The following SAMMSON variants were observed in gnomAD, a reference collection of about 807,000 sequenced individuals.
SAMMSON encodes long intergenic non-protein coding RNA 1212.
chr3:70,235,114 T>C (rs1311601496), intron 4 of SAMMSON, among the ~76,000 whole-genome samples: 1 of 152,148 alleles, frequency 6.6e-6, no homozygotes, highest in African/African-American at 2.4e-5. Flanking sequence ...TTCCAACCTC[T>C]ATTGGAGAAG....
intron 2 of SAMMSON, among the ~76,000 whole-genome samples, chr3:70,399,368 T>A (rs774755314): frequency 8.5e-5 from 13 of 152,188 alleles, no homozygotes; most frequent in African/African-American, 2.9e-4. Context: ...ATGAAATTCA[T>A]TGGGTTATCA....
At chr3:70,382,297 A>G (rs988628359) in intron 9 of SAMMSON, among the ~76,000 whole-genome samples, 4 of 152,112 alleles carry the variant, frequency 2.6e-5, no homozygotes, top group Non-Finnish European at 5.9e-5. Context: ...AATTCTTAAC[A>G]GTATCTTTTG....
intron 8 of SAMMSON, among the ~76,000 whole-genome samples, chr3:70,357,514 G>A (rs1429288297): frequency 6.6e-6 from 1 of 151,952 alleles, no homozygotes; most frequent in African/African-American, 2.4e-5. Context: ...TTTTCAAAAA[G>A]TGAAATAATT....
At chr3:70,348,220 G>T (rs1702766812) in intron 7 of SAMMSON, among the ~76,000 whole-genome samples, 1 of 152,140 alleles carries the variant, frequency 6.6e-6, no homozygotes, top group Admixed American at 6.5e-5. Flanking sequence ...TTGCAGAAAG[G>T]CTTGAATAAG....
rs1015656983 is a variant in SAMMSON at position 70,178,031 on chromosome 3, G to A, written n.508-71076G>A. Reference sequence around the variant, plus strand: ...TATAAACACTCCCTGCCCATATGCCGAGCGTTATAGTTAGCAAGATGAACC... The same window carrying A: ...TATAAACACTCCCTGCCCATATGCCAAGCGTTATAGTTAGCAAGATGAACC... On this transcript the variant is annotated intron_variant and non_coding_transcript_variant, in intron 4 of 9. Transcript: ENST00000642114. Among the ~76,000 whole-genome samples the A allele has an allele frequency of 1.1e-4, 16 of 152,118 alleles. No individual in the cohort carries two copies. In the South Asian group the frequency reaches 1.4e-3, roughly 14 times the overall value.
intron 4 of SAMMSON, among the ~76,000 whole-genome samples, chr3:70,227,213 A>G (rs1202799054): frequency 6.6e-6 from 1 of 152,204 alleles, no homozygotes; most frequent in Non-Finnish European, 1.5e-5. Context: ...TAGAAAGGAA[A>G]TAGACTGGAT....
intron 2 of SAMMSON, among the ~76,000 whole-genome samples, chr3:70,401,349 T>G (rs910172661): frequency 6.6e-6 from 1 of 152,202 alleles, no homozygotes; most frequent in African/African-American, 2.4e-5. Flanking sequence ...GAAGAAATTC[T>G]ACATGATCCA....
chr3:70,225,433 A>G (rs1276636478), intron 4 of SAMMSON, among the ~76,000 whole-genome samples: 1 of 152,166 alleles, frequency 6.6e-6, no homozygotes, highest in African/African-American at 2.4e-5. Flanking sequence ...ATCTTTTTTT[A>G]TAGTGTTCTT....
chr3:70,192,482 C>T (rs1286428844), intron 4 of SAMMSON, among the ~76,000 whole-genome samples: 1 of 152,112 alleles, frequency 6.6e-6, no homozygotes, highest in Non-Finnish European at 1.5e-5. Flanking sequence ...ATCTTTAAGC[C>T]AGACTCCCCA....
chr3:70,309,785 A>G (rs1476401051), intron 7 of SAMMSON, among the ~76,000 whole-genome samples: 3 of 152,244 alleles, frequency 2.0e-5, no homozygotes, highest in African/African-American at 2.4e-5. Flanking sequence ...GAAATATAGT[A>G]AACATAATTC....
At chr3:70,317,350 T>C (rs1291306039) in intron 7 of SAMMSON, among the ~76,000 whole-genome samples, 1 of 152,024 alleles carries the variant, frequency 6.6e-6, no homozygotes, top group African/African-American at 2.4e-5. Flanking sequence ...TCCAACAATA[T>C]ATGTTCACTT....
chr3:70,089,842 G>A (rs760327118), intron 4 of SAMMSON, among the ~76,000 whole-genome samples: 1 of 152,098 alleles, frequency 6.6e-6, no homozygotes, highest in Non-Finnish European at 1.5e-5. Flanking sequence ...ATCTTTACAG[G>A]TAGAGTGTGG....
At chr3:70,185,658 C>T (rs1307605316) in intron 4 of SAMMSON, among the ~76,000 whole-genome samples, 1 of 152,038 alleles carries the variant, frequency 6.6e-6, no homozygotes, top group East Asian at 1.9e-4. Context: ...GAAGTATCAC[C>T]TAAAGTCAGC....
chr3:70,263,587 TCATGC>T (rs1449894699), intron 6 of SAMMSON, among the ~76,000 whole-genome samples: 2 of 152,196 alleles, frequency 1.3e-5, no homozygotes, highest in African/African-American at 2.4e-5. Flanking sequence ...AGAAAGTTTG[TCATGC>T]CTAGCCTCAT....
At chr3:70,280,665 T>C (rs912153635) in intron 6 of SAMMSON, among the ~76,000 whole-genome samples, 1 of 152,250 alleles carries the variant, frequency 6.6e-6, no homozygotes, top group African/African-American at 2.4e-5. Flanking sequence ...AGGCTGGCCA[T>C]AGAAACTAGA....
At chr3:70,180,785 G>C (rs986977412) in intron 4 of SAMMSON, among the ~76,000 whole-genome samples, 1 of 152,140 alleles carries the variant, frequency 6.6e-6, no homozygotes, top group South Asian at 2.1e-4. Context: ...TTCCTGCCCT[G>C]GTCATGGAGT....
intron 4 of SAMMSON, among the ~76,000 whole-genome samples, chr3:70,199,872 G>A (rs1032497332): frequency 1.3e-5 from 2 of 152,094 alleles, no homozygotes; most frequent in Middle Eastern, 3.2e-3. Flanking sequence ...GCTATTGCCT[G>A]CTGCACGTCT....
At chr3:70,403,901 ATAT>A (rs1023356977) in intron 2 of SAMMSON, among the ~76,000 whole-genome samples, 2 of 152,152 alleles carry the variant, frequency 1.3e-5, no homozygotes, top group African/African-American at 4.8e-5. Context: ...TCCAGAATAG[ATAT>A]TATTATCTCT....
chr3:70,175,669 T>A (rs1165288236), intron 4 of SAMMSON, among the ~76,000 whole-genome samples: 1 of 152,140 alleles, frequency 6.6e-6, no homozygotes, highest in Admixed American at 6.6e-5. Flanking sequence ...TTACCCCAGT[T>A]GCTCTACAAT....
Sources: allele counts gnomAD v4.1 joint callset (sites outside exome capture counted in the v4.1 genomes callset), GRCh38; gene constraint gnomAD v4.1.1; transcripts MANE v1.5; gene names NCBI Gene and HGNC (gene_info 2026-07-23, HGNC 2026-07-21).